TULP4: variants seen among roughly 807,000 people sequenced by gnomAD.
TULP4 encodes the protein TUB like protein 4.
TULP4 carries 16 observed loss-of-function variants against 129.0 expected under a neutral mutation model. That is an observed-to-expected ratio of 0.12 (90% confidence interval 0.08 to 0.19). The LOEUF is 0.19. Among genes scored for constraint, TULP4 ranks in the 10% least tolerant of loss-of-function variants. The pLI is 1.00. For synonymous variants in TULP4, 998 were observed against 854.0 expected (o/e 1.17, Z -2.94); for missense variants, 1,842 against 2,059.1 (o/e 0.89, Z 2.04).
At chr6:158,367,077 C>A (rs964442221) in intron 1 of TULP4, among the ~76,000 whole-genome samples, 1 of 151,952 alleles carries the variant, frequency 6.6e-6, no homozygotes, top group Non-Finnish European at 1.5e-5. Context: ...ATCTGAATAA[C>A]GCTTTGGGTC....
At chr6:158,376,404 G>A (rs1393165754) in intron 1 of TULP4, among the ~76,000 whole-genome samples, 3 of 152,154 alleles carry the variant, frequency 2.0e-5, no homozygotes, top group Non-Finnish European at 2.9e-5. Context: ...CTTTGTGGCC[G>A]ATCCACGTGG....
intron 1 of TULP4, among the ~76,000 whole-genome samples, chr6:158,323,197 T>C (rs922533096): frequency 6.6e-6 from 1 of 152,202 alleles, no homozygotes; most frequent in African/African-American, 2.4e-5. Flanking sequence ...GCAGTGATGT[T>C]CTGTGCGCCT....
chr6:158,467,277 CTTTTTT>C (rs59276592), intron 6 of TULP4, among the ~76,000 whole-genome samples: 1 of 140,880 alleles, frequency 7.1e-6, no homozygotes, highest in Non-Finnish European at 1.6e-5. Context: ...CTTTCCCTTT[CTTTTTT>C]TTTTTTTTTT....
chr6:158,502,134 A>G lies in TULP4; in HGVS notation c.2471A>G (p.Gln824Arg). ...GACGCAGTGGTCTTTAGTGCCCCCC[A>G]GGAGGTCCAGGTGACGAAGATAAAC... ...EGDAVVFSAPQEVQVTKINPP... is the reference protein window; with the variant it reads ...EGDAVVFSAPREVQVTKINPP... The change falls in exon 13 of 14, where the codon CAG (glutamine) becomes CGG (arginine). Residue 824 changes from glutamine to arginine, a missense_variant. Gln to Arg is a conservative substitution (Grantham distance 43). Transcript: ENST00000367097. 6.2e-7 allele frequency: 1 copy of G among 1,603,926 alleles called. No individual in the cohort carries two copies. The highest frequency in any genetic ancestry group is 8.5e-7 in the Non-Finnish European group (1 of 1,175,382).
At chr6:158,307,933 A>G (rs1338377842), upstream of TULP4, among the ~76,000 whole-genome samples, 1 of 152,094 alleles carries the variant, frequency 6.6e-6, no homozygotes. Flanking sequence ...TCGCAAGCTC[A>G]TAGTGATGAG....
chr6:158,323,461 A>G (rs1029739018), intron 1 of TULP4, among the ~76,000 whole-genome samples: 4 of 152,184 alleles, frequency 2.6e-5, no homozygotes, highest in African/African-American at 7.2e-5. Context: ...CTCAGCATTA[A>G]TGACTCATTT....
At chr6:158,246,349 G>A (rs550418578) in intron 1 of TULP4, among the ~76,000 whole-genome samples, 1 of 151,994 alleles carries the variant, frequency 6.6e-6, no homozygotes, top group Non-Finnish European at 1.5e-5. Context: ...AGGATTAGCC[G>A]GGCGTGGTGG....
chr6:158,274,850 C>G (rs1452837415), intron 1 of TULP4, among the ~76,000 whole-genome samples: 3 of 152,212 alleles, frequency 2.0e-5, no homozygotes, highest in African/African-American at 7.2e-5. Context: ...AAGCCCCTTT[C>G]TGTTGCCTAC....
chr6:158,275,653 TC>T (rs1778632507), intron 1 of TULP4, among the ~76,000 whole-genome samples: 1 of 152,222 alleles, frequency 6.6e-6, no homozygotes, highest in African/African-American at 2.4e-5. Flanking sequence ...TCTTTCATTT[TC>T]TTCAGTAACC....
At position 158,415,715 on chromosome 6, in the gene TULP4, G is replaced by T. The variant is rs146827395; in HGVS notation, c.381+2522G>T. On this transcript the variant is annotated intron_variant, in intron 2 of 13. Transcript: ENST00000367097. ...TTAGCAGTCTCAGGCAGGTCCTTCA[G>T]GAGGTATTCCTGAAGAAGGCATTGT... 5.1e-3 allele frequency among the ~76,000 whole-genome samples: 777 copies of T among 151,974 alleles called. 7 individuals carry two copies. Among genetic ancestry groups the T allele is most frequent in the African/African-American group, 0.018 (736 of 41,434 alleles).
rs756184917 is a variant in TULP4 at position 158,314,135 on chromosome 6, A to G, written c.119A>G (p.Tyr40Cys). The change falls in exon 1 of 14, where the codon TAC becomes TGC. Residue 40 changes from tyrosine to cysteine, a missense_variant. Physicochemically the swap from Tyr to Cys is radical, Grantham distance 194 (BLOSUM62 -2). This residue lies in a region of TULP4 where 151 missense variants were observed against 268.7 expected (regional missense o/e 0.56). Coordinates refer to ENST00000367097, the MANE Select transcript of TULP4 (RefSeq NM_020245.5). ...EKEKPVCRRR[Y>C]YEEGWLATGN... is the part of the protein sequence containing the mutation. ...GAGAAGCCTGTGTGCAGGAGACGCT[A>G]CTATGAGGAAGGCTGGCTGGCCACG... 1.9e-6 allele frequency: 3 copies of G among 1,614,196 alleles called. No homozygotes were observed. The highest frequency in any genetic ancestry group is 1.1e-5 in the South Asian group (1 of 91,088).
rs1003900479 is a variant in TULP4 at position 158,508,573 on chromosome 6, T to C, written c.*1879T>C. ...AGTGGGTGCATTCTTCCAGAAAGAA[T>C]TCAGCAATGTTATCAGAATTAATTC... On this transcript the variant is annotated 3_prime_UTR_variant, in exon 14 of 14. Transcript: ENST00000367097. The C allele has an allele frequency of 4.6e-5, 7 of 152,644 alleles. No individual in the cohort carries two copies. The highest frequency in any genetic ancestry group is 1.7e-4 in the African/African-American group (7 of 41,456). The allele number at this position is 152,644 out of a possible 1,614,324, so 9.5% of individuals were successfully genotyped here.
At chr6:158,342,970 TG>T (rs1780216613) in intron 1 of TULP4, among the ~76,000 whole-genome samples, 4 of 151,456 alleles carry the variant, frequency 2.6e-5, no homozygotes, top group South Asian at 2.1e-4. Flanking sequence ...TGTGTGTGTG[TG>T]TGTGTGTGTG....
chr6:158,239,157 G>T (rs1035947803), intron 1 of TULP4, among the ~76,000 whole-genome samples: 2 of 112,160 alleles, frequency 1.8e-5, no homozygotes, highest in South Asian at 5.9e-4. Flanking sequence ...CTCACCTCCC[G>T]GACGAGGCGG....
chr6:158,363,828 C>G (rs1214064890), intron 1 of TULP4, among the ~76,000 whole-genome samples: 2 of 151,860 alleles, frequency 1.3e-5, no homozygotes, highest in Non-Finnish European at 2.9e-5. Flanking sequence ...CATACAGTTG[C>G]CATTTGCAAA....
chr6:158,482,468 A>C (rs1392716761), intron 8 of TULP4, among the ~76,000 whole-genome samples: 1 of 152,236 alleles, frequency 6.6e-6, no homozygotes, highest in African/African-American at 2.4e-5. Context: ...CCAGGAACAA[A>C]GAAAGCAACT....
intron 6 of TULP4, among the ~76,000 whole-genome samples, chr6:158,472,352 G>A (rs540004785): frequency 3.3e-5 from 5 of 152,232 alleles, no homozygotes; most frequent in East Asian, 3.9e-4. Flanking sequence ...AAGAGAAAAG[G>A]CCCTGACTGA....
chr6:158,351,834 G>A (rs1780533306), intron 1 of TULP4, among the ~76,000 whole-genome samples: 2 of 140,014 alleles, frequency 1.4e-5, no homozygotes, highest in Admixed American at 1.6e-4. Flanking sequence ...CGATTCTCCT[G>A]CCTCAGCCTC....
intron 1 of TULP4, among the ~76,000 whole-genome samples, chr6:158,276,071 G>T (rs1778640350): frequency 1.3e-5 from 2 of 152,120 alleles, no homozygotes; most frequent in African/African-American, 4.8e-5. Flanking sequence ...AAGAGTTTAA[G>T]CGACTCTCCT....
Sources: gnomAD v4.1 joint callset for allele counts (sites outside exome capture counted in the v4.1 genomes callset) on GRCh38, gnomAD v4.1.1 for gene constraint, gnomAD v4.1.1 regional missense constraint, MANE v1.5 for transcripts, NCBI Gene and HGNC (gene_info 2026-07-23, HGNC 2026-07-21) for gene names.